Variants in MBD5 observed in about 807,000 individuals in gnomAD.
The protein encoded by MBD5 is methyl-CpG-binding domain protein 5.
A neutral mutation model predicts 117.3 loss-of-function variants in MBD5; 13 were observed. The observed-to-expected ratio is 0.11, with a 90% CI of 0.07 to 0.18. The LOEUF (loss-of-function observed/expected upper bound fraction) is 0.18. MBD5 is among the 10% of genes least tolerant of loss of function. The pLI is 1.00. For synonymous variants in MBD5, 727 were observed against 766.4 expected, an observed-to-expected ratio of 0.95 and a Z score of 0.85; for missense variants, 1,879 against 2,093.8, an observed-to-expected ratio of 0.90 and a Z score of 2.00.
At chr2:148,321,743 A>G (rs781071969) in intron 3 of MBD5, among the ~76,000 whole-genome samples, 4 of 151,804 alleles carry the variant, frequency 2.6e-5, no homozygotes, top group African/African-American at 4.8e-5. Flanking sequence ...CTCTATTTCT[A>G]TATATTAAAA....
chr2:148,382,131 G>A (rs1238470834), intron 4 of MBD5, among the ~76,000 whole-genome samples: 3 of 150,980 alleles, frequency 2.0e-5, no homozygotes, highest in East Asian at 2.0e-4. Flanking sequence ...ATGTAAATGG[G>A]CTAAATGCTC....
chr2:148,167,008 C>T (rs527865606), intron 1 of MBD5, among the ~76,000 whole-genome samples: 2 of 151,982 alleles, frequency 1.3e-5, no homozygotes, highest in East Asian at 1.9e-4. Context: ...AAGTATGCAT[C>T]ATCTAAAAGA....
At chr2:148,462,782 C>A in intron 6 of MBD5, 98 bp downstream of exon 6, 1 of 773,984 alleles carries the variant, frequency 1.3e-6, no homozygotes, top group Non-Finnish European at 2.2e-6. Flanking sequence ...ATTACTTCTC[C>A]AATCATACAT....
intron 3 of MBD5, among the ~76,000 whole-genome samples, chr2:148,286,418 C>G (rs1197473873): frequency 6.6e-6 from 1 of 152,168 alleles, no homozygotes; most frequent in Non-Finnish European, 1.5e-5. Flanking sequence ...AGCAGACTTA[C>G]CCACATAACT....
intron 1 of MBD5, among the ~76,000 whole-genome samples, chr2:148,160,432 G>A (rs1383912919): frequency 6.6e-6 from 1 of 152,070 alleles, no homozygotes; most frequent in Admixed American, 6.6e-5. Context: ...TTTTGGTGTG[G>A]TATATAAGGT....
chr2:148,413,521 T>TA (rs1435063231), intron 4 of MBD5, among the ~76,000 whole-genome samples: 2 of 150,756 alleles, frequency 1.3e-5, no homozygotes, highest in African/African-American at 4.9e-5. Context: ...TTTTTTTTTT[T>TA]TTTGGAGTAA....
intron 2 of MBD5, among the ~76,000 whole-genome samples, chr2:148,192,531 A>C (rs1698857081): frequency 3.0e-5 from 1 of 33,642 alleles, no homozygotes; most frequent in Non-Finnish European, 4.8e-5. Flanking sequence ...CAATAGATGC[A>C]GAAAAAGCCT....
At chr2:148,198,327 T>A (rs931526942) in intron 2 of MBD5, among the ~76,000 whole-genome samples, 1 of 152,208 alleles carries the variant, frequency 6.6e-6, no homozygotes, top group Non-Finnish European at 1.5e-5. Flanking sequence ...CCAAGACAAC[T>A]CTACCACCAA....
chr2:148,513,016 T>C lies in MBD5; in HGVS notation c.*75T>C, dbSNP rs1204435736. The C allele has an allele frequency of 3.8e-6, 5 of 1,313,590 alleles. No individual in the cohort carries two copies. Among genetic ancestry groups the C allele is most frequent in the Non-Finnish European group, 5.5e-6 (5 of 909,116 alleles). The allele number at this position is 1,313,590 out of a possible 1,614,324, so 81.4% of individuals were successfully genotyped here. ...ATGTATCTGTATATAGGTATTGATA[T>C]AGCCACAGTTATATCAATATTTAGA... is the stretch of plus-strand genomic sequence containing the variant. On this transcript the variant is annotated 3_prime_UTR_variant, in exon 14 of 14. Coordinates refer to ENST00000642680, the MANE Select transcript of MBD5 (RefSeq NM_001378120.1).
chr2:148,328,774 A>C (rs890838771), intron 3 of MBD5, among the ~76,000 whole-genome samples: 10 of 152,204 alleles, frequency 6.6e-5, no homozygotes, highest in Admixed American at 6.5e-4. Context: ...CCAGTACCTC[A>C]GATGGAAATG....
chr2:148,159,396 A>G (rs1486593810), intron 1 of MBD5, among the ~76,000 whole-genome samples: 1 of 151,414 alleles, frequency 6.6e-6, no homozygotes, highest in African/African-American at 2.4e-5. Context: ...GCTCACTACA[A>G]CCTCCACCTC....
At chr2:148,064,580 G>C (rs1695134449) in intron 1 of MBD5, among the ~76,000 whole-genome samples, 1 of 152,026 alleles carries the variant, frequency 6.6e-6, no homozygotes, top group African/African-American at 2.4e-5. Context: ...CTTTCTTTGA[G>C]GCAAACCGAT....
rs140460130 is a variant in MBD5 at position 148,243,339 on chromosome 2, T to C, written c.-680+9944T>C. ...GAGAAATATAGAAAAATTATTGTTA[T>C]ACTTTTTAAAATGGAATCTTTTTAT... On this transcript the variant is annotated intron_variant, in intron 3 of 13. Coordinates refer to ENST00000642680, the MANE Select transcript of MBD5 (RefSeq NM_001378120.1). Among the ~76,000 whole-genome samples the C allele has an allele frequency of 5.7e-3, 863 of 152,238 alleles. 14 individuals are homozygous for C. The highest frequency in any genetic ancestry group is 0.022 in the South Asian group (106 of 4,830).
intron 2 of MBD5, among the ~76,000 whole-genome samples, chr2:148,216,704 A>T (rs1185691215): frequency 6.6e-6 from 1 of 152,194 alleles, no homozygotes; most frequent in African/African-American, 2.4e-5. Context: ...GAAAAACAAG[A>T]TCAGAGGTGC....
intron 1 of MBD5, among the ~76,000 whole-genome samples, chr2:148,117,094 A>G (rs1228494244): frequency 6.6e-6 from 1 of 152,198 alleles, no homozygotes; most frequent in Non-Finnish European, 1.5e-5. Flanking sequence ...TAAAAACAGT[A>G]TTAAAAGGTT....
At chr2:148,422,218 G>T (rs982110485) in intron 4 of MBD5, among the ~76,000 whole-genome samples, 1 of 152,158 alleles carries the variant, frequency 6.6e-6, no homozygotes, top group Non-Finnish European at 1.5e-5. Context: ...CCTCTGGGAA[G>T]AAGCTTCCAG....
At chr2:148,057,732 G>A (rs969115905) in intron 1 of MBD5, among the ~76,000 whole-genome samples, 1 of 151,852 alleles carries the variant, frequency 6.6e-6, no homozygotes, top group Non-Finnish European at 1.5e-5. Context: ...TGAATTTGCA[G>A]TACTCTCATT....
At chr2:148,440,976 G>T (rs901191462) in intron 4 of MBD5, among the ~76,000 whole-genome samples, 1 of 152,170 alleles carries the variant, frequency 6.6e-6, no homozygotes, top group Admixed American at 6.6e-5. Context: ...GGCATTTTTA[G>T]ACATTGTTAG....
At chr2:148,292,297 A>G (rs575012523) in intron 3 of MBD5, among the ~76,000 whole-genome samples, 14 of 152,374 alleles carry the variant, frequency 9.2e-5, no homozygotes, top group African/African-American at 3.1e-4. Context: ...AATGGGAGAA[A>G]ATATTTGCAA....
Sources: allele counts gnomAD v4.1 joint callset (sites outside exome capture counted in the v4.1 genomes callset), GRCh38; gene constraint gnomAD v4.1.1; transcripts MANE v1.5; gene names NCBI Gene and HGNC (gene_info 2026-07-23, HGNC 2026-07-21).